The following RB1 variants were observed in gnomAD, a reference collection of about 807,000 sequenced individuals.
RB1 encodes the protein retinoblastoma-associated protein.
RB1 carries 18 observed loss-of-function variants against 135.4 expected under a neutral mutation model. The observed-to-expected ratio is 0.13, with a 90% confidence interval of 0.09 to 0.20. The LOEUF (loss-of-function observed/expected upper bound fraction) is 0.20, where lower values mean the gene tolerates loss of function less well. RB1 is among the 10% of genes least tolerant of loss of function. RB1 has a pLI of 1.00. For missense variants in RB1, 868 were observed against 1,110.0 expected (o/e 0.78, Z 3.10); for synonymous variants, 365 against 373.2 (o/e 0.98, Z 0.25).
At chr13:48,413,948 C>T (rs908464683) in intron 17 of RB1, among the ~76,000 whole-genome samples, 9 of 152,132 alleles carry the variant, frequency 5.9e-5, no homozygotes, top group African/African-American at 2.2e-4. Flanking sequence ...CCCAGCTCTT[C>T]CCTTAACCCC....
rs1359888615 is a variant in RB1 at position 48,368,746 on chromosome 13, C to A, written c.1127+142C>A. ...GAAGGCCAGGTGTGGTGGATCACAC[C>A]TGTAATCCCAGCACTTTGGGAGGCC... On this transcript the variant is annotated intron_variant, in intron 11 of 26. Coordinates refer to ENST00000267163, the MANE Select transcript of RB1 (RefSeq NM_000321.3). 2.4e-6 allele frequency: 3 copies of A among 1,276,068 alleles called. No homozygotes were observed. The African/African-American group carries it at 4.5e-5, about 19-fold the overall frequency. The allele number at this position is 1,276,068 out of a possible 1,614,324, so 79.0% of individuals were successfully genotyped here. A position where few individuals can be genotyped will look rare whatever the true frequency, so the allele number is the denominator to read the frequency against.
intron 6 of RB1, among the ~76,000 whole-genome samples, chr13:48,358,449 T>G (rs543855410): frequency 6.6e-6 from 1 of 152,258 alleles, no homozygotes; most frequent in African/African-American, 2.4e-5. Context: ...GGAGCAGGCA[T>G]TTTTATTATA....
chr13:48,442,248 T>C (rs1949244982), intron 17 of RB1, among the ~76,000 whole-genome samples: 1 of 152,032 alleles, frequency 6.6e-6, no homozygotes, highest in African/African-American at 2.4e-5. Context: ...TTGCCCAGGC[T>C]GGAGTGCAGT....
At chr13:48,315,662 C>T (rs1952175112) in intron 2 of RB1, among the ~76,000 whole-genome samples, 1 of 152,176 alleles carries the variant, frequency 6.6e-6, no homozygotes, top group African/African-American at 2.4e-5. Context: ...GTGGATTTGT[C>T]ATAGATGGCT....
chr13:48,329,750 C>T (rs530862400), intron 2 of RB1, among the ~76,000 whole-genome samples: 1 of 152,200 alleles, frequency 6.6e-6, no homozygotes, highest in Admixed American at 6.5e-5. Context: ...GTGGAAATGT[C>T]AGTTTAAGAT....
chr13:48,381,304 A>C lies in RB1; in HGVS notation c.1556A>C (p.Asn519Thr). Residue 519 changes from asparagine (N) to threonine (T), a missense_variant, in exon 17 of 27, where the codon AAT (asparagine) becomes ACT (threonine). Transcript: ENST00000267163. ...GATTTGTCTTTCCCATGGATTCTGA[A>C]TGTGCTTAATTTAAAAGCCTTTGAT... The part of the protein sequence containing the change: ...GTDLSFPWIL[N>T]VLNLKAFDFY... 1 of 1,612,708 alleles carries C rather than the reference A, an allele frequency of 6.2e-7. No homozygotes were observed. The highest frequency in any genetic ancestry group is 8.5e-7 in the Non-Finnish European group (1 of 1,179,504).
intron 17 of RB1, 70 bp from the exon 18 acceptor site, chr13:48,452,923 A>G: frequency 6.3e-7 from 1 of 1,596,038 alleles, no homozygotes; most frequent in Non-Finnish European, 8.5e-7. Flanking sequence ...GTCAAACAAT[A>G]TGATTTTGAT....
At chr13:48,377,582 T>C (rs1386230306) in intron 13 of RB1, among the ~76,000 whole-genome samples, 2 of 152,190 alleles carry the variant, frequency 1.3e-5, no homozygotes, top group East Asian at 3.8e-4. Context: ...GTGGCATTAA[T>C]GAGGATAATA....
chr13:48,463,663 A>T lies in RB1; in HGVS notation c.2107-68A>T. 9.1e-6 allele frequency: 9 copies of T among 984,198 alleles called. No individual in the cohort carries two copies. In the South Asian group the frequency reaches 1.2e-4, roughly 13 times the overall value. The allele number at this position is 984,198 out of a possible 1,614,324, so 61.0% of individuals were successfully genotyped here. On this transcript the variant is annotated intron_variant, in intron 20 of 26. Coordinates refer to ENST00000267163, the MANE Select transcript of RB1 (RefSeq NM_000321.3). ...CTTTTTTGAGGCTAAAAGAAAGAAAATGGTATTTTTTAAGAACAAAACCAT... is the reference window on the plus strand; with the variant it reads ...CTTTTTTGAGGCTAAAAGAAAGAAATTGGTATTTTTTAAGAACAAAACCAT...
At chr13:48,412,258 T>C in intron 17 of RB1, 1 of 1,614,110 alleles carries the variant, frequency 6.2e-7, no homozygotes, top group Non-Finnish European at 8.5e-7. Context: ...AAGTTAATCA[T>C]GTAAGTTGTA....
At chr13:48,409,706 G>A (rs1487716874) in intron 17 of RB1, among the ~76,000 whole-genome samples, 3 of 149,170 alleles carry the variant, frequency 2.0e-5, no homozygotes, top group Non-Finnish European at 3.0e-5. Flanking sequence ...TCTGCCTCCC[G>A]AGTAGCTGGG....
At chr13:48,412,162 G>A in intron 17 of RB1, 1 of 1,613,942 alleles carries the variant, frequency 6.2e-7, no homozygotes, top group Non-Finnish European at 8.5e-7. Flanking sequence ...ATCTTACAAA[G>A]TAAATCTCCA....
At chr13:48,348,887 A>T in intron 5 of RB1, 69 bp from the exon 6 acceptor site, 1 of 1,549,650 alleles carries the variant, frequency 6.5e-7, no homozygotes, top group Non-Finnish European at 8.7e-7. Flanking sequence ...CCCAAAAGAT[A>T]TATCTGGAAA....
chr13:48,317,186 C>T, intron 2 of RB1: 4 of 566,268 alleles, frequency 7.1e-6, no homozygotes, highest in Non-Finnish European at 8.2e-6. Flanking sequence ...GAGGCAGCCC[C>T]ATGTCGGGCT....
At chr13:48,332,542 G>T (rs1952346900) in intron 2 of RB1, among the ~76,000 whole-genome samples, 1 of 152,232 alleles carries the variant, frequency 6.6e-6, no homozygotes, top group Non-Finnish European at 1.5e-5. Context: ...CAGCAATCCA[G>T]TCTGGGTGAC....
chr13:48,442,713 C>T (rs1204098523), intron 17 of RB1, among the ~76,000 whole-genome samples: 1 of 152,130 alleles, frequency 6.6e-6, no homozygotes, highest in East Asian at 1.9e-4. Context: ...TCCCTTGGAG[C>T]TGCCTCCCAG....
Position 48,368,552 on chromosome 13 carries a change from A to G in RB1, c.1075A>G (p.Lys359Glu). The change falls in exon 11 of 27, where the codon AAA becomes GAA. Residue 359 changes from lysine to glutamate, a missense_variant. Transcript: ENST00000267163. ...TTTTGAAACACAGAGAACACCACGA[A>G]AAAGTAACCTTGATGAAGAGGTGAA... ...DSFETQRTPR[K>E]SNLDEEVNVI... The G allele has an allele frequency of 1.9e-6, 3 of 1,613,538 alleles. No homozygotes were observed. Among genetic ancestry groups the G allele is most frequent in the Non-Finnish European group, 2.5e-6 (3 of 1,179,732 alleles).
rs148227482 is a variant in RB1, at chr13:48,412,382, G to A, written c.1695+30939G>A. ...TGCACCCATACAAAGTGTACTTAAA[G>A]GAGTCATTATAGAAGCAGTGGGAGC... is the stretch of plus-strand genomic sequence containing the variant. On this transcript the variant is annotated intron_variant, in intron 17 of 26. Coordinates refer to ENST00000267163, the MANE Select transcript of RB1 (RefSeq NM_000321.3). 153 of 1,614,018 alleles carry A rather than the reference G, an allele frequency of 9.5e-5. 1 individual carries two copies. In the Middle Eastern group the frequency reaches 1.7e-3, roughly 17 times the overall value.
At position 48,410,062 on chromosome 13, in the gene RB1, A is replaced by G. The variant is rs1024485787; in HGVS notation, c.1695+28619A>G. 1.1e-4 allele frequency among the ~76,000 whole-genome samples: 17 copies of G among 152,260 alleles called. No individual in the cohort carries two copies. In the East Asian group the frequency reaches 3.3e-3, roughly 29 times the overall value. ...TATAATGTAAGGAACTGTGTCCTTA[A>G]TTAATCATTTTGACGTACAATAACA... On this transcript the variant is annotated intron_variant, in intron 17 of 26. Transcript: ENST00000267163.
Sources: gnomAD v4.1 joint callset for allele counts (sites outside exome capture counted in the v4.1 genomes callset) on GRCh38, gnomAD v4.1.1 for gene constraint, MANE v1.5 for transcripts, NCBI Gene and HGNC (gene_info 2026-07-23, HGNC 2026-07-21) for gene names.